Variants in PPA2 observed in about 807,000 individuals in gnomAD.
PPA2 encodes inorganic pyrophosphatase 2, also known as inorganic pyrophosphatase 2, mitochondrial.
Under a neutral mutation model 49.5 loss-of-function variants are expected in PPA2, and 48 were observed. That is an observed-to-expected ratio of 0.97 (90% CI 0.77 to 1.23). PPA2 has a LOEUF of 1.23. Ranked by LOEUF, PPA2 falls within the 50% of genes most tolerant of loss-of-function variation. The probability of loss-of-function intolerance (pLI) is 0.00; values close to 1 mark genes in which losing one functional copy is unlikely to be tolerated. For synonymous variants in PPA2, 131 were observed against 139.9 expected (o/e 0.94, Z 0.45); for missense variants, 429 against 410.1 (o/e 1.05, Z -0.40).
chr4:105,443,444 G>GAAAAA (rs11351997), intron 5 of PPA2, among the ~76,000 whole-genome samples: 2 of 104,604 alleles, frequency 1.9e-5, no homozygotes, highest in Non-Finnish European at 4.0e-5. Flanking sequence ...CCATCAAGCA[G>GAAAAA]AAAAAAAAAA....
At chr4:105,437,192 T>A (rs1412424012) in intron 6 of PPA2, among the ~76,000 whole-genome samples, 1 of 152,148 alleles carries the variant, frequency 6.6e-6, no homozygotes, top group Non-Finnish European at 1.5e-5. Flanking sequence ...TGAAAAATGC[T>A]CTACATCACT....
chr4:105,398,944 T>A, intron 8 of PPA2, 93 bp downstream of exon 8: 1 of 1,363,510 alleles, frequency 7.3e-7, no homozygotes. Context: ...AACCATGCTA[T>A]ATATACATAT....
chr4:105,410,996 A>G (rs1413691900), intron 7 of PPA2, among the ~76,000 whole-genome samples: 1 of 152,240 alleles, frequency 6.6e-6, no homozygotes, highest in African/African-American at 2.4e-5. Context: ...CTATGAAGAA[A>G]CAGCATAAAT....
chr4:105,424,981 A>T (rs566883409), intron 6 of PPA2, among the ~76,000 whole-genome samples: 15 of 152,170 alleles, frequency 9.9e-5, no homozygotes, highest in African/African-American at 3.6e-4. Flanking sequence ...ATTTACCACA[A>T]GGGGCATTCA....
chr4:105,456,807 C>T, intron 1 of PPA2, 62 bp from the exon 2 acceptor site: 1 of 1,293,240 alleles, frequency 7.7e-7, no homozygotes, highest in Non-Finnish European at 1.1e-6. Context: ...TTGTTCTATA[C>T]AGCAATAATA....
chr4:105,375,501 A>C (rs1316109826), intron 10 of PPA2, among the ~76,000 whole-genome samples: 1 of 152,160 alleles, frequency 6.6e-6, no homozygotes, highest in Admixed American at 6.6e-5. Context: ...AGAAAATTAC[A>C]TCCTAAGATC....
chr4:105,453,827 G>C (rs1722766518), intron 2 of PPA2, 185 bp from the exon 3 acceptor site: 1 of 419,080 alleles, frequency 2.4e-6, no homozygotes, highest in African/African-American at 2.0e-5. Flanking sequence ...CCCCAGAATA[G>C]AGCATCAAAG....
intron 9 of PPA2, among the ~76,000 whole-genome samples, chr4:105,389,432 C>T (rs6856615): frequency 0.18 from 26,161 of 145,138 alleles, 2,650 homozygotes; most frequent in African/African-American, 0.27. Flanking sequence ...TTAGTGCCCA[C>T]TATAAACGAA....
At chr4:105,467,614 A>C (rs751560363) in intron 1 of PPA2, among the ~76,000 whole-genome samples, 8 of 152,230 alleles carry the variant, frequency 5.3e-5, no homozygotes, top group Non-Finnish European at 5.9e-5. Context: ...ATACAGGGCT[A>C]AGGGTGGAAG....
chr4:105,386,382 C>T (rs983277259), intron 10 of PPA2, among the ~76,000 whole-genome samples, 185 bp downstream of exon 10: 1 of 152,108 alleles, frequency 6.6e-6, no homozygotes, highest in African/African-American at 2.4e-5. Flanking sequence ...AAAAACTCAA[C>T]TAAAAGGTTT....
At chr4:105,458,120 T>A (rs753594096) in intron 1 of PPA2, among the ~76,000 whole-genome samples, 2 of 151,724 alleles carry the variant, frequency 1.3e-5, no homozygotes, top group Admixed American at 1.3e-4. Context: ...TATACATGAA[T>A]CCACACTAAT....
chr4:105,410,259 T>C (rs962734199), intron 7 of PPA2, among the ~76,000 whole-genome samples: 6 of 152,160 alleles, frequency 3.9e-5, no homozygotes, highest in Admixed American at 1.3e-4. Flanking sequence ...AAGAACTTCA[T>C]GACGCATGCA....
intron 9 of PPA2, among the ~76,000 whole-genome samples, chr4:105,391,280 G>A (rs1208783230): frequency 1.4e-5 from 2 of 144,460 alleles, no homozygotes; most frequent in Non-Finnish European, 3.0e-5. Context: ...AAACCACCAT[G>A]GCACATGTAC....
In PPA2 at chr4:105,438,014, T is replaced by G. The variant is rs756925958; in HGVS notation, c.464A>C (p.Lys155Thr). The change falls in exon 6 of 12, where the codon AAA (lysine) becomes ACA (threonine). Residue 155 changes from lysine (K) to threonine (T), a missense_variant. Transcript: ENST00000341695. The stretch of plus-strand genomic sequence containing the variant: ...TCCAAAGCAGTTCGTGCTCTTATCT[T>G]TTTCATGGGGATCTTCCCAAGTCTA... ...LPQTWEDPHE[K>T]DKSTNCFGDN... 2 of 1,606,360 alleles carry G rather than the reference T, an allele frequency of 1.2e-6. No individual in the cohort carries two copies. The highest frequency in any genetic ancestry group is 1.7e-6 in the Non-Finnish European group (2 of 1,178,110).
intron 5 of PPA2, among the ~76,000 whole-genome samples, chr4:105,442,611 T>C (rs1186563534): frequency 6.6e-6 from 1 of 152,158 alleles, no homozygotes; most frequent in Admixed American, 6.5e-5. Context: ...GCAATATGAA[T>C]AAACTGGTGG....
chr4:105,404,504 G>C (rs2110402487), intron 7 of PPA2, among the ~76,000 whole-genome samples: 2 of 152,250 alleles, frequency 1.3e-5, no homozygotes, highest in Non-Finnish European at 2.9e-5. Context: ...AGAAAAACAT[G>C]TTTGGAATCA....
At chr4:105,464,374 A>G (rs988870921) in intron 1 of PPA2, among the ~76,000 whole-genome samples, 2 of 152,172 alleles carry the variant, frequency 1.3e-5, no homozygotes, top group Non-Finnish European at 2.9e-5. Context: ...GAAGTAACTA[A>G]CTTGCTTTTG....
intron 1 of PPA2, chr4:105,473,303 A>C (rs1054671083): frequency 4.9e-5 from 10 of 202,944 alleles, no homozygotes; most frequent in Non-Finnish European, 2.1e-5. Context: ...GAGGCTTTGG[A>C]TGGTGGATCA....
Position 105,473,959 on chromosome 4 carries a change from G to C in PPA2, c.92C>G (p.Ala31Gly). ...CTCCTCAGTGTGGTACAGGGCCATA[G>C]CACGGCGCGACCCGGTCCCTGCACT... ...GTSAGTGSRR[A>G]MALYHTEERG... Residue 31 changes from alanine to glycine, a missense_variant, in exon 1 of 12, where the codon GCT (alanine) becomes GGT (glycine). Coordinates refer to ENST00000341695, the MANE Select transcript of PPA2 (RefSeq NM_176869.3). The C allele has an allele frequency of 6.2e-7, 1 of 1,612,218 alleles. No homozygotes were observed. Among genetic ancestry groups the C allele is most frequent in the Non-Finnish European group, 8.5e-7 (1 of 1,179,428 alleles).
Sources: gnomAD v4.1 joint callset for allele counts (sites outside exome capture counted in the v4.1 genomes callset) on GRCh38, gnomAD v4.1.1 for gene constraint, MANE v1.5 for transcripts, NCBI Gene and HGNC (gene_info 2026-07-23, HGNC 2026-07-21) for gene names.